MEGF11: variants seen among roughly 807,000 people sequenced by gnomAD.
MEGF11 encodes multiple EGF like domains 11, also known as multiple epidermal growth factor-like domains protein 11.
In MEGF11, 126 loss-of-function variants were observed where a neutral mutation model predicts 146.6. That is an observed-to-expected ratio of 0.86 (90% CI 0.74 to 1.00). The LOEUF is 1.00. MEGF11 is among the 50% of genes least tolerant of loss of function. The pLI is 0.00. For synonymous variants in MEGF11, 532 were observed against 583.4 expected (o/e 0.91, Z 1.27); for missense variants, 1,509 against 1,521.2 (o/e 0.99, Z 0.13).
chr15:65,932,765 T>G (rs978893506), intron 10 of MEGF11, among the ~76,000 whole-genome samples: 2 of 151,984 alleles, frequency 1.3e-5, no homozygotes, highest in Non-Finnish European at 2.9e-5. Flanking sequence ...CCGGAGCAAG[T>G]GGTCACTGGA....
chr15:65,980,254 T>C (rs1338330604), intron 7 of MEGF11, among the ~76,000 whole-genome samples: 20 of 152,082 alleles, frequency 1.3e-4, no homozygotes, highest in Non-Finnish European at 2.9e-5. Flanking sequence ...GAGAGGTGAG[T>C]AACTTGCTTC....
intron 5 of MEGF11, among the ~76,000 whole-genome samples, chr15:66,056,267 G>A (rs1397572255): frequency 1.3e-5 from 2 of 151,212 alleles, no homozygotes. Flanking sequence ...AGAGGGAGGG[G>A]CTGTAGAGGG....
chr15:66,229,259 C>T (rs758601435), intron 1 of MEGF11, among the ~76,000 whole-genome samples: 24 of 152,100 alleles, frequency 1.6e-4, no homozygotes, highest in Non-Finnish European at 3.2e-4. Flanking sequence ...CACAACCAAG[C>T]TCTCTGTGGT....
intron 1 of MEGF11, among the ~76,000 whole-genome samples, chr15:66,152,974 C>T (rs186827939): frequency 2.0e-5 from 3 of 152,360 alleles, no homozygotes; most frequent in East Asian, 3.9e-4. Context: ...CTTGACAGCC[C>T]TCTCCCCTGC....
intron 5 of MEGF11, among the ~76,000 whole-genome samples, chr15:65,985,939 A>G (rs1461287500): frequency 1.3e-5 from 2 of 149,766 alleles, no homozygotes; most frequent in Admixed American, 6.7e-5. Context: ...GCACATGTGT[A>G]TGTTTGTGTC....
At chr15:65,989,027 A>G (rs879703068) in intron 5 of MEGF11, among the ~76,000 whole-genome samples, 1 of 152,048 alleles carries the variant, frequency 6.6e-6, no homozygotes, top group Non-Finnish European at 1.5e-5. Flanking sequence ...CAGTTTTAAG[A>G]AACACTCTTG....
At position 65,970,688 on chromosome 15, in the gene MEGF11, C is replaced by T. The variant is rs756279677; in HGVS notation, c.764G>A (p.Gly255Glu). 11 of 1,609,108 alleles carry T rather than the reference C, an allele frequency of 6.8e-6. No homozygotes were observed. The South Asian group carries it at 1.2e-4, about 18-fold the overall frequency. Residue 255 changes from glycine to glutamate, a missense_variant and splice_region_variant, in exon 8 of 26, where the codon GGA becomes GAA. Transcript: ENST00000395614. ...GECACPPGWT[G>E]AVCAQPCPPG... is the part of the protein sequence containing the mutation. ...TGGGCAGGGCTGGGCACACACTGCT[C>T]CCTAAAAGAAAGGTGGGAAGACATG...
chr15:66,246,362 C>A (rs1305255572), intron 1 of MEGF11, among the ~76,000 whole-genome samples: 1 of 151,984 alleles, frequency 6.6e-6, no homozygotes, highest in Non-Finnish European at 1.5e-5. Flanking sequence ...AGGTTTTGAG[C>A]CCAAACATCT....
chr15:66,105,550 G>A (rs1042789444), intron 4 of MEGF11, among the ~76,000 whole-genome samples: 5 of 152,122 alleles, frequency 3.3e-5, no homozygotes, highest in East Asian at 1.9e-4. Context: ...ATGTGCTGGC[G>A]GGGCAGGGCA....
intron 1 of MEGF11, among the ~76,000 whole-genome samples, chr15:66,250,311 G>A (rs1443451487): frequency 6.6e-6 from 1 of 152,192 alleles, no homozygotes; most frequent in African/African-American, 2.4e-5. Flanking sequence ...CTTTCACCTT[G>A]GAGCCTTGAA....
At chr15:66,233,837 T>A (rs1239700108) in intron 1 of MEGF11, among the ~76,000 whole-genome samples, 1 of 152,064 alleles carries the variant, frequency 6.6e-6, no homozygotes, top group Non-Finnish European at 1.5e-5. Context: ...GAGGAACGCC[T>A]GCCAAAGGTC....
At chr15:66,049,818 C>T (rs1359048480) in intron 5 of MEGF11, among the ~76,000 whole-genome samples, 1 of 152,192 alleles carries the variant, frequency 6.6e-6, no homozygotes, top group Non-Finnish European at 1.5e-5. Context: ...GCCTTCTGGC[C>T]AAGAACCCAC....
intron 1 of MEGF11, among the ~76,000 whole-genome samples, chr15:66,190,349 A>G (rs2090836062): frequency 6.6e-6 from 1 of 152,024 alleles, no homozygotes; most frequent in Non-Finnish European, 1.5e-5. Flanking sequence ...CGATCCTCCC[A>G]CCTCAGCCTC....
chr15:66,046,943 TC>T (rs2084230266), intron 5 of MEGF11, among the ~76,000 whole-genome samples: 1 of 152,140 alleles, frequency 6.6e-6, no homozygotes, highest in African/African-American at 2.4e-5. Flanking sequence ...GTCCCCAGGT[TC>T]CCCCTGCAGG....
intron 1 of MEGF11, among the ~76,000 whole-genome samples, chr15:66,163,727 C>T (rs1282821873): frequency 2.0e-5 from 3 of 152,176 alleles, no homozygotes; most frequent in East Asian, 1.9e-4. Flanking sequence ...GGAAGGCGGG[C>T]GGAGCCTATA....
intron 1 of MEGF11, among the ~76,000 whole-genome samples, chr15:66,212,030 G>A (rs952001774): frequency 0.02 from 2 of 98 alleles, no homozygotes; most frequent in Non-Finnish European, 0.05. Context: ...GGACTGTGAG[G>A]ATGCAGCCAC....
At chr15:66,145,733 T>C (rs2089347600) in intron 1 of MEGF11, among the ~76,000 whole-genome samples, 1 of 152,194 alleles carries the variant, frequency 6.6e-6, no homozygotes, top group Non-Finnish European at 1.5e-5. Flanking sequence ...CTCCATGTTG[T>C]GGTTAAGGAA....
At chr15:66,044,560 A>G (rs1373184777) in intron 5 of MEGF11, among the ~76,000 whole-genome samples, 2 of 152,108 alleles carry the variant, frequency 1.3e-5, no homozygotes, top group Non-Finnish European at 2.9e-5. Context: ...ACTTTTCTTA[A>G]AAATTGAACT....
At chr15:66,059,379 C>T (rs2140400191) in intron 5 of MEGF11, among the ~76,000 whole-genome samples, 1 of 152,344 alleles carries the variant, frequency 6.6e-6, no homozygotes, top group South Asian at 2.1e-4. Flanking sequence ...GGAAAGGCGC[C>T]CTGCTCAGCA....
Sources: gnomAD v4.1 joint callset for allele counts (sites outside exome capture counted in the v4.1 genomes callset) on GRCh38, gnomAD v4.1.1 for gene constraint, MANE v1.5 for transcripts, NCBI Gene and HGNC (gene_info 2026-07-23, HGNC 2026-07-21) for gene names.